Variants in IQSEC3 observed in about 807,000 individuals in gnomAD.
IQSEC3 encodes IQ motif and Sec7 domain ArfGEF 3.
IQSEC3 carries 50 observed loss-of-function variants against 105.4 expected under a neutral mutation model. The observed-to-expected ratio is 0.47, with a 90% CI of 0.38 to 0.60. The LOEUF (loss-of-function observed/expected upper bound fraction) is 0.60, where lower values mean the gene tolerates loss of function less well. IQSEC3 is among the 20% of genes least tolerant of loss of function. The pLI, the probability that IQSEC3 is intolerant of heterozygous loss-of-function variation, is 0.00. For synonymous variants in IQSEC3, 708 were observed against 746.0 expected, an observed-to-expected ratio of 0.95 and a Z score of 0.83; for missense variants, 1,415 against 1,630.0, an observed-to-expected ratio of 0.87 and a Z score of 2.27.
chr12:125,939 G>GT, intron 3 of IQSEC3, 27 bp downstream of exon 3: 1 of 1,524,678 alleles, frequency 6.6e-7, no homozygotes, highest in Non-Finnish European at 8.7e-7. Context: ...AGGGGGGCGG[G>GT]GAGGGTGGTG....
chr12:174,476 C>G, intron 13 of IQSEC3, 123 bp from the exon 14 acceptor site: 2 of 871,626 alleles, frequency 2.3e-6, no homozygotes, highest in Non-Finnish European at 3.3e-6. Flanking sequence ...GGAGAGATGG[C>G]GAGAGGGTCA....
intron 8 of IQSEC3, among the ~76,000 whole-genome samples, chr12:162,952 A>G (rs2137050790): frequency 6.6e-6 from 1 of 152,170 alleles, no homozygotes; most frequent in South Asian, 2.1e-4. Flanking sequence ...GCTCTTCTCA[A>G]TTTCCTATTC....
intron 2 of IQSEC3, among the ~76,000 whole-genome samples, chr12:121,421 A>C (rs1439096191): frequency 6.6e-6 from 1 of 152,176 alleles, no homozygotes; most frequent in African/African-American, 2.4e-5. Context: ...CACCAAAGAG[A>C]GGGTGTAAGG....
intron 5 of IQSEC3, chr12:148,463 C>T (rs1866372064): frequency 6.6e-6 from 1 of 152,194 alleles, no homozygotes; most frequent in Non-Finnish European, 1.5e-5. Flanking sequence ...GAACTTAGTT[C>T]TTTGGGTACC....
At chr12:84,347 G>T (rs1393037680) in intron 1 of IQSEC3, among the ~76,000 whole-genome samples, 1 of 152,212 alleles carries the variant, frequency 6.6e-6, no homozygotes, top group Non-Finnish European at 1.5e-5. Context: ...TCACATCCCT[G>T]CGTGGCCCAT....
chr12:152,921 A>G lies in IQSEC3; in HGVS notation c.2154-4104A>G, dbSNP rs1414957701. Among the ~76,000 whole-genome samples the G allele has an allele frequency of 6.6e-6, 1 of 152,110 alleles. No individual in the cohort carries two copies. Among genetic ancestry groups the G allele is most frequent in the Admixed American group, 6.5e-5 (1 of 15,270 alleles). Reference sequence around the variant, plus strand: ...CCTTAAAGATGACCAATGAGGAGAGATGACTCCAGGCCACCCTGGGTGGAG... The same window carrying G: ...CCTTAAAGATGACCAATGAGGAGAGGTGACTCCAGGCCACCCTGGGTGGAG... On this transcript the variant is annotated intron_variant, in intron 5 of 13. Transcript: ENST00000538872. The surrounding 1 kb of genome is among the most constrained non-coding windows in gnomAD (Gnocchi z 4.8).
intron 2 of IQSEC3, among the ~76,000 whole-genome samples, chr12:109,250 T>C (rs782339161): frequency 1.3e-5 from 2 of 152,246 alleles, no homozygotes; most frequent in Non-Finnish European, 2.9e-5. Context: ...GGGCTGGCAC[T>C]GTGAGAACAG....
chr12:144,612 G>A (rs1866186620), intron 5 of IQSEC3: 1 of 152,176 alleles, frequency 6.6e-6, no homozygotes, highest in African/African-American at 2.4e-5. Context: ...CTGCCACCTC[G>A]GCTGCTGGTC....
At chr12:71,504 A>G (rs1863316988) in intron 1 of IQSEC3, among the ~76,000 whole-genome samples, 1 of 152,282 alleles carries the variant, frequency 6.6e-6, no homozygotes. Context: ...TATACAAATT[A>G]TGTTAACAGC....
At position 165,900 on chromosome 12, in the gene IQSEC3, C is replaced by T. The variant is rs782560026; in HGVS notation, c.2971+10C>T. On this transcript the variant is annotated intron_variant, in intron 11 of 13. Coordinates refer to ENST00000538872, the MANE Select transcript of IQSEC3 (RefSeq NM_001170738.2). ...CAGATCCGAATAGAGTGTAAGGACA[C>T]GGGCTCCCGAGGCAGCTGGTGGGGG... 1.6e-5 allele frequency: 26 copies of T among 1,608,820 alleles called. No individual in the cohort carries two copies. The South Asian group carries it at 2.3e-4, about 14-fold the overall frequency.
At chr12:126,640 A>G (rs1317366720) in intron 3 of IQSEC3, among the ~76,000 whole-genome samples, 1 of 151,904 alleles carries the variant, frequency 6.6e-6, no homozygotes, top group Non-Finnish European at 1.5e-5. Context: ...AGATGTAGAC[A>G]TGGGATCCAG....
In IQSEC3 at chr12:138,086, G is replaced by A. The variant is rs1413976090; in HGVS notation, c.904-181G>A. 6.6e-6 allele frequency among the ~76,000 whole-genome samples: 1 copy of A among 152,082 alleles called. No individual in the cohort carries two copies. Among genetic ancestry groups the A allele is most frequent in the African/African-American group, 2.4e-5 (1 of 41,396 alleles). Reference sequence around the variant, plus strand: ...ACCCCTCCGTCCTACACCTCTAGGAGTCTTGCCACGTGGCCAGGACGTTCT... The same window carrying A: ...ACCCCTCCGTCCTACACCTCTAGGAATCTTGCCACGTGGCCAGGACGTTCT... On this transcript the variant is annotated intron_variant, in intron 3 of 13. Transcript: ENST00000538872. This position sits in a 1 kb window ranked among gnomAD's most constrained non-coding sequence, Gnocchi z 7.1.
At chr12:115,951 A>C (rs1027092505) in intron 2 of IQSEC3, among the ~76,000 whole-genome samples, 2 of 152,256 alleles carry the variant, frequency 1.3e-5, no homozygotes, top group African/African-American at 2.4e-5. Flanking sequence ...AAACTGATAC[A>C]GCAAGCTAAA....
At position 165,450 on chromosome 12, in the gene IQSEC3, C is replaced by T. The variant is rs782464556; in HGVS notation, c.2726C>T (p.Pro909Leu). ...NDLLVILKLC[P>L]KKKSSSTYTF... ...CCTGAACAGATTCTCAAACTTTGCC[C>T]GAAGAAGAAGAGCTCCTCCACGTAC... is the stretch of plus-strand genomic sequence containing the variant. The change falls in exon 10 of 14, where the codon CCG (proline) becomes CTG (leucine). Residue 909 changes from proline (P) to leucine (L), a missense_variant. Physicochemically the swap from Pro to Leu is moderately conservative, Grantham distance 98 (BLOSUM62 -3). Coordinates refer to ENST00000538872, the MANE Select transcript of IQSEC3 (RefSeq NM_001170738.2). 20 of 1,613,850 alleles carry T rather than the reference C, an allele frequency of 1.2e-5. No individual in the cohort carries two copies. The highest frequency in any genetic ancestry group is 1.2e-4 in the South Asian group (11 of 91,074).
Position 103,972 on chromosome 12 carries a change from G to A in IQSEC3, c.623+4758G>A, listed in dbSNP as rs533025190. On this transcript the variant is annotated intron_variant, in intron 2 of 13. Coordinates refer to ENST00000538872, the MANE Select transcript of IQSEC3 (RefSeq NM_001170738.2). ...GGCCTCCAGAGCAAGAAGGGATCTG[G>A]GTAGGGGTCTAAGGGGCACTCTGAG... is the stretch of plus-strand genomic sequence containing the variant. Among the ~76,000 whole-genome samples the A allele has an allele frequency of 2.1e-5, 3 of 144,350 alleles. No individual in the cohort carries two copies. In the South Asian group the frequency reaches 7.0e-4, roughly 34 times the overall value. The allele number at this position is 144,350 out of a possible 152,430, so 94.7% of individuals were successfully genotyped here. A position where few individuals can be genotyped will look rare whatever the true frequency, so the allele number is the denominator to read the frequency against.
intron 2 of IQSEC3, among the ~76,000 whole-genome samples, chr12:110,647 C>T (rs1555079294): frequency 1.3e-5 from 2 of 152,070 alleles, no homozygotes; most frequent in Non-Finnish European, 2.9e-5. Flanking sequence ...AATCATTCCC[C>T]TCTCTTCCCC....
chr12:102,481 C>T (rs148321545), intron 2 of IQSEC3, among the ~76,000 whole-genome samples: 1 of 152,370 alleles, frequency 6.6e-6, no homozygotes, highest in Non-Finnish European at 1.5e-5. Context: ...TGAGCAAGTG[C>T]CTTCACTGCA....
intron 8 of IQSEC3, 100 bp from the exon 9 acceptor site, chr12:163,394 C>T (rs1294000999): frequency 7.4e-7 from 1 of 1,345,380 alleles, no homozygotes; most frequent in Non-Finnish European, 9.9e-7. Flanking sequence ...CCGGGCCCCT[C>T]CCCTCTCCCG....
chr12:155,087 G>A (rs568037366), intron 5 of IQSEC3, among the ~76,000 whole-genome samples: 3 of 152,326 alleles, frequency 2.0e-5, no homozygotes, highest in Non-Finnish European at 4.4e-5. Flanking sequence ...CTCCTGATGG[G>A]CTGGGCTACA....
Sources: allele counts gnomAD v4.1 joint callset (sites outside exome capture counted in the v4.1 genomes callset), GRCh38; gene constraint gnomAD v4.1.1; non-coding constraint Gnocchi (gnomAD v3.1); transcripts MANE v1.5; gene names NCBI Gene and HGNC (gene_info 2026-07-23, HGNC 2026-07-21).